FRMD5: variants seen among roughly 807,000 people sequenced by gnomAD.
FRMD5 encodes FERM domain-containing protein 5.
A neutral mutation model predicts 69.0 loss-of-function variants in FRMD5; 20 were observed. The observed-to-expected ratio is 0.29, with a 90% CI of 0.20 to 0.42. The LOEUF is 0.42. Ranked by LOEUF, FRMD5 falls within the 10% of genes least tolerant of loss-of-function variation. FRMD5 has a pLI of 1.00. For synonymous variants in FRMD5, 271 were observed against 260.1 expected (o/e 1.04, Z -0.40); for missense variants, 595 against 708.6 (o/e 0.84, Z 1.82).
At chr15:43,904,763 T>C (rs1000367607) in intron 6 of FRMD5, among the ~76,000 whole-genome samples, 3 of 152,302 alleles carry the variant, frequency 2.0e-5, no homozygotes, top group Non-Finnish European at 4.4e-5. Context: ...AAACACCCTA[T>C]TGTTGCTTTT....
intron 7 of FRMD5, among the ~76,000 whole-genome samples, chr15:43,897,473 G>C (rs1377836128): frequency 8.4e-6 from 1 of 118,392 alleles, no homozygotes; most frequent in African/African-American, 3.3e-5. Context: ...GGCAACAAGA[G>C]TGACACTCCA....
At chr15:43,883,387 C>G (rs191617424) in intron 13 of FRMD5, among the ~76,000 whole-genome samples, 1 of 152,166 alleles carries the variant, frequency 6.6e-6, no homozygotes, top group Admixed American at 6.5e-5. Flanking sequence ...TGTGAGCCAC[C>G]GCACAGGGCG....
At chr15:44,196,066 T>C (rs2078291633), upstream of FRMD5, among the ~76,000 whole-genome samples, 1 of 152,344 alleles carries the variant, frequency 6.6e-6, no homozygotes. Flanking sequence ...AATTGTCTCC[T>C]TCTCTTTGTC....
intron 1 of FRMD5, among the ~76,000 whole-genome samples, chr15:44,166,428 T>C (rs1265550784): frequency 2.0e-5 from 3 of 152,146 alleles, no homozygotes; most frequent in Admixed American, 2.0e-4. Flanking sequence ...ATTTTTAATT[T>C]TTATGTGGTA....
chr15:43,906,335 C>A (rs1175167175), intron 5 of FRMD5, among the ~76,000 whole-genome samples: 6 of 152,206 alleles, frequency 3.9e-5, no homozygotes, highest in Non-Finnish European at 8.8e-5. Flanking sequence ...TGAGCTTGAT[C>A]AGAAAGGGAG....
At chr15:44,149,941 T>C (rs770026896) in intron 1 of FRMD5, among the ~76,000 whole-genome samples, 7 of 152,252 alleles carry the variant, frequency 4.6e-5, no homozygotes, top group South Asian at 2.1e-4. Context: ...TTCAGCAGCA[T>C]AGCAAAAGGA....
chr15:44,039,067 C>G (rs1230632225), intron 1 of FRMD5, among the ~76,000 whole-genome samples: 1 of 152,192 alleles, frequency 6.6e-6, no homozygotes, highest in African/African-American at 2.4e-5. Flanking sequence ...AACAAAGCCT[C>G]TCGTAAGTCT....
intron 1 of FRMD5, among the ~76,000 whole-genome samples, chr15:44,109,927 C>G (rs2140578237): frequency 6.6e-6 from 1 of 152,274 alleles, no homozygotes; most frequent in Admixed American, 6.5e-5. Context: ...TGGTTTCTTT[C>G]ACTTTGTAAA....
chr15:44,012,284 C>G (rs937424985), intron 1 of FRMD5, among the ~76,000 whole-genome samples: 1 of 152,140 alleles, frequency 6.6e-6, no homozygotes, highest in African/African-American at 2.4e-5. Context: ...ATGACACTTC[C>G]AAAGTCTTCC....
chr15:43,923,814 T>G (rs544044118), intron 2 of FRMD5, among the ~76,000 whole-genome samples: 2 of 152,314 alleles, frequency 1.3e-5, no homozygotes, highest in South Asian at 4.1e-4. Flanking sequence ...CTGCCTAGAT[T>G]GGGTTGGTAT....
chr15:44,096,065 G>C (rs544406682), intron 1 of FRMD5, among the ~76,000 whole-genome samples: 56 of 152,060 alleles, frequency 3.7e-4, no homozygotes, highest in African/African-American at 1.3e-3. Context: ...AATTAGCTGG[G>C]CGTGGTGGTG....
intron 1 of FRMD5, among the ~76,000 whole-genome samples, chr15:44,055,220 G>A (rs919551441): frequency 3.9e-5 from 6 of 152,084 alleles, no homozygotes; most frequent in African/African-American, 1.4e-4. Context: ...AGCTGGGGTG[G>A]AAGTTGTTTG....
At chr15:44,183,397 G>A (rs779600048) in intron 1 of FRMD5, among the ~76,000 whole-genome samples, 1 of 152,118 alleles carries the variant, frequency 6.6e-6, no homozygotes, top group Non-Finnish European at 1.5e-5. Flanking sequence ...ATGTGAATGG[G>A]CCCACCACTC....
intron 1 of FRMD5, chr15:43,990,017 T>A: frequency 2.3e-6 from 2 of 873,954 alleles, no homozygotes; most frequent in South Asian, 2.6e-5. Flanking sequence ...TGGACCTCGT[T>A]GCCCACATAG....
At position 44,077,644 on chromosome 15, in the gene FRMD5, C is replaced by A. The variant is rs186016747; in HGVS notation, c.102+117309G>T. ...AAATTCAAAAAAATGTGATCACTAA[C>A]AAATTTAGTAAGCACCTTTCCTTCA... On this transcript the variant is annotated intron_variant, in intron 1 of 13. Coordinates refer to ENST00000417257, the MANE Select transcript of FRMD5 (RefSeq NM_032892.5). Among the ~76,000 whole-genome samples the A allele has an allele frequency of 6.5e-3, 992 of 151,950 alleles. 2 individuals are homozygous for A. The highest frequency in any genetic ancestry group is 0.011 in the Non-Finnish European group (737 of 67,886).
At chr15:44,171,777 C>G (rs1447617681) in intron 1 of FRMD5, among the ~76,000 whole-genome samples, 1 of 152,066 alleles carries the variant, frequency 6.6e-6, no homozygotes, top group Non-Finnish European at 1.5e-5. Flanking sequence ...TATCTGCTGG[C>G]TTTTGAGACA....
intron 1 of FRMD5, among the ~76,000 whole-genome samples, chr15:44,149,929 A>T (rs748600548): frequency 2.2e-4 from 34 of 152,258 alleles, no homozygotes; most frequent in Non-Finnish European, 3.5e-4. Flanking sequence ...TAACAAACCA[A>T]ATTCAGCAGC....
chr15:44,012,138 A>C (rs779584141), intron 1 of FRMD5, among the ~76,000 whole-genome samples: 4 of 152,198 alleles, frequency 2.6e-5, no homozygotes, highest in Non-Finnish European at 5.9e-5. Context: ...TGACTTAATA[A>C]ATCTCCCTAA....
intron 1 of FRMD5, among the ~76,000 whole-genome samples, chr15:43,965,354 C>T (rs2090276181): frequency 6.6e-6 from 1 of 152,124 alleles, no homozygotes; most frequent in Admixed American, 6.5e-5. Context: ...ACTGTACATA[C>T]ACTGCGCCTA....
Sources: gnomAD v4.1 joint callset for allele counts (sites outside exome capture counted in the v4.1 genomes callset) on GRCh38, gnomAD v4.1.1 for gene constraint, MANE v1.5 for transcripts, NCBI Gene and HGNC (gene_info 2026-07-23, HGNC 2026-07-21) for gene names.